The following RRBP1 variants were observed in gnomAD, a reference collection of about 807,000 sequenced individuals.
RRBP1 encodes ribosome binding protein 1.
A neutral mutation model predicts 165.2 loss-of-function variants in RRBP1; 94 were observed. That is an observed-to-expected ratio of 0.57 (90% confidence interval 0.48 to 0.68). The LOEUF is 0.68. RRBP1 is among the 30% of genes least tolerant of loss of function. RRBP1 has a pLI of 0.00. For missense variants in RRBP1, 1,676 were observed against 1,763.0 expected, an observed-to-expected ratio of 0.95 and a Z score of 0.88; for synonymous variants, 680 against 714.5, an observed-to-expected ratio of 0.95 and a Z score of 0.77.
chr20:17,654,527 C>CAAG (rs2036613699), intron 3 of RRBP1, among the ~76,000 whole-genome samples: 1 of 152,352 alleles, frequency 6.6e-6, no homozygotes, highest in South Asian at 2.1e-4. Flanking sequence ...CCTTACCACT[C>CAAG]AATCACGTGT....
Position 17,634,688 on chromosome 20 carries a change from G to GACGCCAGAGAATTTCTCAGTCCCCACAT in RRBP1, c.2456+830_2456+857dup, listed in dbSNP as rs1232611933. ...GGCCACAGCAGATCCTATGTGGGGAGACGCCAGAGAATTTCTCAGTCCCCA... is the reference window on the plus strand; with the variant it reads ...GGCCACAGCAGATCCTATGTGGGGAGACGCCAGAGAATTTCTCAGTCCCCACATACGCCAGAGAATTTCTCAGTCCCCA... On this transcript the variant is annotated intron_variant, in intron 7 of 24. Coordinates refer to ENST00000377813, the MANE Select transcript of RRBP1 (RefSeq NM_001365613.2). Among the ~76,000 whole-genome samples, 3 of 152,250 alleles carry GACGCCAGAGAATTTCTCAGTCCCCACAT rather than the reference G, an allele frequency of 2.0e-5. No individual in the cohort carries two copies. The East Asian group carries it at 5.8e-4, about 29-fold the overall frequency.
chr20:17,677,443 T>A (rs549226571), intron 2 of RRBP1, among the ~76,000 whole-genome samples: 1 of 152,326 alleles, frequency 6.6e-6, no homozygotes, highest in Admixed American at 6.5e-5. Flanking sequence ...AGTTAAACTT[T>A]GGTTTTATAT....
intron 13 of RRBP1, chr20:17,623,093 GCCA>G (rs1600729007): frequency 1.3e-5 from 2 of 152,274 alleles, no homozygotes; most frequent in Admixed American, 6.5e-5. Context: ...AGACCCAGAG[GCCA>G]CCTTCTATCT....
chr20:17,681,361 G>C lies in RRBP1; in HGVS notation c.-99+667C>G, dbSNP rs570483193. 9.2e-3 allele frequency among the ~76,000 whole-genome samples: 1,359 copies of C among 147,994 alleles called. 9 individuals are homozygous for C. The highest frequency in any genetic ancestry group is 0.02 in the South Asian group (96 of 4,798). ...GGGAAGTTGCCACCGCGGCCGCCCG[G>C]CGTCCGTGCCATGGACAGACCCGGT... On this transcript the variant is annotated intron_variant, in intron 1 of 24. Transcript: ENST00000377813.
Position 17,659,347 on chromosome 20 carries a change from G to C in RRBP1, c.1161C>G (p.Asn387Lys), listed in dbSNP as rs2036711024. Residue 387 changes from asparagine (N) to lysine (K), a missense_variant, in exon 3 of 25, where the codon AAC becomes AAG. By Grantham distance (94) the Asn-to-Lys change is moderately conservative. Transcript: ENST00000377813. Reference sequence around the variant, plus strand: ...GGGCCCCTTCTACTTTTTTGCCCTGGTTCTGAGCCCCCTCGGCCTTTTTGC... The same window carrying C: ...GGGCCCCTTCTACTTTTTTGCCCTGCTTCTGAGCCCCCTCGGCCTTTTTGC... ...NQGKKAEGAQ[N>K]QGKKVEGAQN... 1.3e-6 allele frequency: 2 copies of C among 1,532,680 alleles called. No individual in the cohort carries two copies. The highest frequency in any genetic ancestry group is 1.8e-6 in the Non-Finnish European group (2 of 1,141,136). 94.9% of individuals were successfully genotyped at this position (1,532,680 alleles called of 1,614,324 possible). A position where few individuals can be genotyped will look rare whatever the true frequency, so the allele number is the denominator to read the frequency against.
At chr20:17,631,241 C>T (rs1362646367) in intron 8 of RRBP1, among the ~76,000 whole-genome samples, 2 of 152,268 alleles carry the variant, frequency 1.3e-5, no homozygotes, top group South Asian at 2.1e-4. Flanking sequence ...AACACCCTCA[C>T]ACCTCTGCCT....
At position 17,627,354 on chromosome 20, in the gene RRBP1, T is replaced by C; in HGVS notation, c.2957A>G (p.Gln986Arg). The stretch of plus-strand genomic sequence containing the variant: ...GGCTGCTTCCCCAGCTTACCGAGTC[T>C]GCTGCTGGTCAGCCTCCGCCTGGCT... ...QASQAEADQQ[Q>R]TRLKELESQV... The change falls in exon 11 of 25, where the codon CAG becomes CGG. Residue 986 changes from glutamine (Q) to arginine (R), a missense_variant. Physicochemically the swap from Gln to Arg is conservative, Grantham distance 43 (BLOSUM62 1). This residue lies in a region of RRBP1 where 1,184 missense variants were observed against 1,167.1 expected (regional missense o/e 1.01). Coordinates refer to ENST00000377813, the MANE Select transcript of RRBP1 (RefSeq NM_001365613.2). 1 of 1,613,622 alleles carries C rather than the reference T, an allele frequency of 6.2e-7. No homozygotes were observed. Among genetic ancestry groups the C allele is most frequent in the Non-Finnish European group, 8.5e-7 (1 of 1,179,968 alleles).
chr20:17,642,851 A>T, intron 4 of RRBP1, 128 bp downstream of exon 4: 1 of 1,028,970 alleles, frequency 9.7e-7, no homozygotes, highest in Non-Finnish European at 1.4e-6. Context: ...TCGGGGTGGC[A>T]GAATTCTGCC....
chr20:17,628,439 C>T (rs2036076176), intron 9 of RRBP1, among the ~76,000 whole-genome samples: 1 of 152,236 alleles, frequency 6.6e-6, no homozygotes, highest in Non-Finnish European at 1.5e-5. Context: ...TGCCCTGTTG[C>T]CTTGGGCCTC....
intron 2 of RRBP1, among the ~76,000 whole-genome samples, chr20:17,675,553 G>A (rs1390051302): frequency 1.3e-5 from 2 of 151,826 alleles, no homozygotes; most frequent in African/African-American, 2.4e-5. Context: ...GGCAGGGAGT[G>A]GGGGTGGGAG....
rs936940369 is a variant in RRBP1, at chr20:17,619,611, A to C, written c.3675+22T>G. 18 of 1,579,024 alleles carry C rather than the reference A, an allele frequency of 1.1e-5. No homozygotes were observed. The African/African-American group carries it at 2.2e-4, about 19-fold the overall frequency. ...CGCAGATCTGCTGGGCAGGGGCTGC[A>C]CTCCTTGGGGGGCAGACTCACCCCT... On this transcript the variant is annotated intron_variant, in intron 19 of 24. Coordinates refer to ENST00000377813, the MANE Select transcript of RRBP1 (RefSeq NM_001365613.2).
At position 17,642,283 on chromosome 20, in the gene RRBP1, G is replaced by A. The variant is rs145420569; in HGVS notation, c.2062-364C>T. 1.8e-3 allele frequency among the ~76,000 whole-genome samples: 269 copies of A among 152,330 alleles called. 2 individuals are homozygous for A. The East Asian group carries it at 0.02, about 11-fold the overall frequency. ...GGCCTCTGGCTGCAGTATGGGGGCC[G>A]GGTACTCTGAGGACAGTGACCTGAG... is the stretch of plus-strand genomic sequence containing the variant. On this transcript the variant is annotated intron_variant, in intron 4 of 24. Coordinates refer to ENST00000377813, the MANE Select transcript of RRBP1 (RefSeq NM_001365613.2).
At chr20:17,614,702 A>C in intron 24 of RRBP1, 35 bp downstream of exon 24, 4 of 1,603,736 alleles carry the variant, frequency 2.5e-6, no homozygotes, top group Non-Finnish European at 2.5e-6. Flanking sequence ...CGGCAGCTCG[A>C]CTCCTCCCGC....
At chr20:17,673,832 T>C (rs1049216143) in intron 2 of RRBP1, among the ~76,000 whole-genome samples, 2 of 152,244 alleles carry the variant, frequency 1.3e-5, no homozygotes, top group Admixed American at 6.5e-5. Context: ...AGTTGACCTT[T>C]TAAGAGTCCT....
chr20:17,644,789 G>C (rs536139518), intron 3 of RRBP1, among the ~76,000 whole-genome samples: 13 of 152,012 alleles, frequency 8.6e-5, no homozygotes, highest in African/African-American at 3.1e-4. Context: ...AGAAGATTTG[G>C]TATGAAAAAA....
chr20:17,646,903 G>A (rs1250500867), intron 3 of RRBP1, among the ~76,000 whole-genome samples: 1 of 152,144 alleles, frequency 6.6e-6, no homozygotes, highest in Non-Finnish European at 1.5e-5. Flanking sequence ...GAGACTCAGC[G>A]GCCAGCCCCC....
chr20:17,633,461 T>C lies in RRBP1; in HGVS notation c.2609A>G (p.Gln870Arg). Residue 870 changes from glutamine (Q) to arginine (R), a missense_variant and splice_region_variant, in exon 8 of 25, where the codon CAG becomes CGG. By Grantham distance (43) the Gln-to-Arg change is conservative. Transcript: ENST00000377813. ...AAFEKQVLQL[Q>R]ASHRESEEAL... ...GAGGCGGCCACTGCCCCGACTCACC[T>C]GCAGCTGCAGGACCTGCTTCTCGAA... 6.2e-7 allele frequency: 1 copy of C among 1,613,186 alleles called. No individual in the cohort carries two copies.
intron 17 of RRBP1, 94 bp downstream of exon 17, chr20:17,620,621 C>T (rs1454130107): frequency 2.0e-6 from 2 of 979,448 alleles, no homozygotes; most frequent in Non-Finnish European, 3.2e-6. Flanking sequence ...CACCGAGACA[C>T]ACGAGTCTCA....
chr20:17,627,385 G>A lies in RRBP1; in HGVS notation c.2929-3C>T. On this transcript the variant is annotated splice_polypyrimidine_tract_variant and splice_region_variant and intron_variant, in intron 10 of 24. Transcript: ENST00000377813. The stretch of plus-strand genomic sequence containing the variant: ...TGGTCAGCCTCCGCCTGGCTGGCCT[G>A]GAATGAGAGACAAAAGCTCCTTGGT... 6.2e-7 allele frequency: 1 copy of A among 1,613,964 alleles called. No individual in the cohort carries two copies. The highest frequency in any genetic ancestry group is 8.5e-7 in the Non-Finnish European group (1 of 1,179,958).
Sources: gnomAD v4.1 joint callset for allele counts (sites outside exome capture counted in the v4.1 genomes callset) on GRCh38, gnomAD v4.1.1 for gene constraint, gnomAD v4.1.1 regional missense constraint, MANE v1.5 for transcripts, NCBI Gene and HGNC (gene_info 2026-07-23, HGNC 2026-07-21) for gene names.